The following AKAP19 variants were observed in gnomAD, a reference collection of about 807,000 sequenced individuals.
AKAP19 encodes the protein A-kinase anchoring protein 19.
chr2:189,924,760 A>G, the AKAP19 span, among the ~76,000 whole-genome samples: 1 of 152,098 alleles, frequency 6.6e-6, no homozygotes, highest in East Asian at 1.9e-4. Flanking sequence ...CTAGAAAAAT[A>G]ATTAGTGTTA....
chr2:190,178,198 G>T, the AKAP19 span, among the ~76,000 whole-genome samples: 14 of 152,324 alleles, frequency 9.2e-5, no homozygotes, highest in African/African-American at 3.1e-4. This position sits in a 1 kb window ranked among gnomAD's most constrained non-coding sequence, Gnocchi z 6.3. Flanking sequence ...TTCTAGGCTG[G>T]GCAGCTGGGA....
At chr2:190,091,250 T>G in the AKAP19 span, among the ~76,000 whole-genome samples, 2 of 152,258 alleles carry the variant, frequency 1.3e-5, no homozygotes, top group African/African-American at 2.4e-5. Context: ...CAGTGGCACA[T>G]GTCTACATTC....
At chr2:190,145,128 A>T in the AKAP19 span, among the ~76,000 whole-genome samples, 1 of 152,200 alleles carries the variant, frequency 6.6e-6, no homozygotes, top group South Asian at 2.1e-4. Context: ...CTACAAAAAA[A>T]GTTTAAAAAT....
chr2:190,039,697 G>A, the AKAP19 span, among the ~76,000 whole-genome samples: 6 of 151,456 alleles, frequency 4.0e-5, no homozygotes, highest in South Asian at 6.3e-4. Flanking sequence ...AGTAGACCCC[G>A]GTGTCTGTTG....
chr2:190,197,799 G>C, the AKAP19 span, among the ~76,000 whole-genome samples: 2 of 152,166 alleles, frequency 1.3e-5, no homozygotes, highest in African/African-American at 4.8e-5. This position sits in a 1 kb window ranked among gnomAD's most constrained non-coding sequence, Gnocchi z 4.0. Flanking sequence ...TACTTTGTTA[G>C]GGTAAGAAAA....
the AKAP19 span, among the ~76,000 whole-genome samples, chr2:190,054,856 A>C: frequency 2.0e-5 from 3 of 152,220 alleles, no homozygotes; most frequent in Admixed American, 1.3e-4. Flanking sequence ...GTGGAGAAAT[A>C]GGAACAATTT....
At chr2:189,942,477 G>A in the AKAP19 span, among the ~76,000 whole-genome samples, 3 of 152,156 alleles carry the variant, frequency 2.0e-5, no homozygotes, top group Non-Finnish European at 4.4e-5. Context: ...TAGCAGAACA[G>A]CCTAACACAG....
the AKAP19 span, among the ~76,000 whole-genome samples, chr2:190,018,401 C>T: frequency 2.5e-3 from 375 of 151,966 alleles, no homozygotes; most frequent in Non-Finnish European, 4.3e-3. Context: ...TTCATTGATT[C>T]TTATGCTTTA....
chr2:189,954,526 T>C, the AKAP19 span, among the ~76,000 whole-genome samples: 6 of 152,254 alleles, frequency 3.9e-5, no homozygotes, highest in Non-Finnish European at 8.8e-5. Flanking sequence ...GAGTCATTTA[T>C]ATCCTACTGC....
At chr2:189,904,390 A>T in the AKAP19 span, among the ~76,000 whole-genome samples, 1 of 152,072 alleles carries the variant, frequency 6.6e-6, no homozygotes, top group African/African-American at 2.4e-5. Context: ...CCATGCCAGC[A>T]TTATACACAG....
the AKAP19 span, among the ~76,000 whole-genome samples, chr2:190,020,769 C>T: frequency 2.1e-4 from 32 of 152,278 alleles, no homozygotes; most frequent in African/African-American, 7.5e-4. Context: ...CCTTCCAGCC[C>T]CTGGCAGCCA....
chr2:190,146,314 A>G, the AKAP19 span, among the ~76,000 whole-genome samples: 2 of 152,162 alleles, frequency 1.3e-5, no homozygotes, highest in East Asian at 3.8e-4. Flanking sequence ...AATGCTGTTA[A>G]TTCATTCCTT....
At chr2:189,917,115 C>T in the AKAP19 span, 4 of 383,028 alleles carry the variant, frequency 1.0e-5, no homozygotes, top group Admixed American at 4.8e-5. Context: ...AGCACAAACC[C>T]TCATATTAAT....
At chr2:189,986,012 A>T in the AKAP19 span, among the ~76,000 whole-genome samples, 1 of 152,250 alleles carries the variant, frequency 6.6e-6, no homozygotes, top group Non-Finnish European at 1.5e-5. Context: ...TAAAAATTAA[A>T]AAGCAATTTA....
the AKAP19 span, among the ~76,000 whole-genome samples, chr2:190,117,732 A>T: frequency 1.3e-5 from 2 of 152,224 alleles, no homozygotes; most frequent in South Asian, 4.1e-4. Flanking sequence ...ACTATCTCTT[A>T]TCTAGCCTCT....
chr2:190,018,188 C>A, the AKAP19 span, among the ~76,000 whole-genome samples: 1 of 152,074 alleles, frequency 6.6e-6, no homozygotes, highest in Non-Finnish European at 1.5e-5. Context: ...ATATTTGTGC[C>A]TTTCCCCAGA....
the AKAP19 span, among the ~76,000 whole-genome samples, chr2:189,981,024 T>C: frequency 6.6e-6 from 1 of 152,200 alleles, no homozygotes; most frequent in Non-Finnish European, 1.5e-5. Flanking sequence ...ATTCTGTAGA[T>C]GTTTGTTAGG....
the AKAP19 span, among the ~76,000 whole-genome samples, chr2:190,093,976 A>G: frequency 6.6e-6 from 1 of 152,210 alleles, no homozygotes; most frequent in Non-Finnish European, 1.5e-5. Flanking sequence ...GACCAAGCAC[A>G]TGGTGCTGTT....
the AKAP19 span, among the ~76,000 whole-genome samples, chr2:190,166,206 T>C: frequency 6.6e-6 from 1 of 151,376 alleles, no homozygotes; most frequent in Admixed American, 6.6e-5. Flanking sequence ...GCTGATAGAC[T>C]TTAAAACTCA....
Sources: allele counts gnomAD v4.1 joint callset (sites outside exome capture counted in the v4.1 genomes callset), GRCh38; gene constraint gnomAD v4.1.1; non-coding constraint Gnocchi (gnomAD v3.1); transcripts MANE v1.5; gene names NCBI Gene and HGNC (gene_info 2026-07-23, HGNC 2026-07-21).